The following GAREM1 variants were observed in gnomAD, a reference collection of about 807,000 sequenced individuals.
GAREM1 encodes GRB2 associated regulator of MAPK1 subtype 1.
A neutral mutation model predicts 71.3 loss-of-function variants in GAREM1; 26 were observed. That is an observed-to-expected ratio of 0.36 (90% CI 0.27 to 0.51). The LOEUF is 0.51. Among genes scored for constraint, GAREM1 ranks in the 20% least tolerant of loss-of-function variants. GAREM1 has a pLI of 0.95. For synonymous variants in GAREM1, 440 were observed against 433.2 expected, an observed-to-expected ratio of 1.02 and a Z score of -0.20; for missense variants, 1,026 against 1,103.1, an observed-to-expected ratio of 0.93 and a Z score of 0.99.
chr18:32,320,982 A>C (rs554718482), intron 2 of GAREM1, among the ~76,000 whole-genome samples: 1 of 152,118 alleles, frequency 6.6e-6, no homozygotes, highest in Non-Finnish European at 1.5e-5. Context: ...AGTCCAGAGC[A>C]CTCACTGCTA....
intron 2 of GAREM1, among the ~76,000 whole-genome samples, chr18:32,369,804 C>T (rs2047959418): frequency 6.6e-6 from 1 of 152,186 alleles, no homozygotes; most frequent in African/African-American, 2.4e-5. Context: ...CATCATTCTG[C>T]CATTTTCCCT....
chr18:32,271,261 T>C (rs912844602), intron 4 of GAREM1, among the ~76,000 whole-genome samples: 2 of 152,014 alleles, frequency 1.3e-5, no homozygotes, highest in African/African-American at 4.8e-5. Context: ...GGCACCATCT[T>C]GGCTCACTGC....
chr18:32,274,699 C>A (rs2041514142), intron 4 of GAREM1, among the ~76,000 whole-genome samples: 1 of 152,124 alleles, frequency 6.6e-6, no homozygotes, highest in South Asian at 2.1e-4. Context: ...TGCTTTCCTG[C>A]CCCTTTCTCT....
At chr18:32,377,467 G>T (rs1243952903) in intron 2 of GAREM1, among the ~76,000 whole-genome samples, 1 of 152,172 alleles carries the variant, frequency 6.6e-6, no homozygotes, top group Non-Finnish European at 1.5e-5. Context: ...TAAGGTGACT[G>T]GACATTAGCA....
intron 1 of GAREM1, among the ~76,000 whole-genome samples, chr18:32,451,259 C>G (rs988468037): frequency 2.0e-5 from 3 of 150,324 alleles, no homozygotes; most frequent in African/African-American, 7.4e-5. Context: ...CCCCCCACCC[C>G]CAAGCTAGCT....
In GAREM1 at chr18:32,406,146, T is replaced by C. The variant is rs1599024922; in HGVS notation, c.122-13111A>G. On this transcript the variant is annotated intron_variant, in intron 1 of 5. Transcript: ENST00000269209. ...TTTAGTTACATTTGATTCTATAAAC[T>C]GAGGGATATAATTAAACACTATTTA... Among the ~76,000 whole-genome samples the C allele has an allele frequency of 2.0e-5, 3 of 152,214 alleles. No individual in the cohort carries two copies. The East Asian group carries it at 5.8e-4, about 29-fold the overall frequency.
intron 2 of GAREM1, among the ~76,000 whole-genome samples, chr18:32,392,630 T>A (rs1219118682): frequency 6.6e-6 from 1 of 152,220 alleles, no homozygotes; most frequent in Non-Finnish European, 1.5e-5. Context: ...GTATTGATTT[T>A]AATTCCAAGA....
At chr18:32,354,982 G>C (rs562747655) in intron 2 of GAREM1, among the ~76,000 whole-genome samples, 1 of 152,234 alleles carries the variant, frequency 6.6e-6, no homozygotes, top group East Asian at 1.9e-4. Flanking sequence ...TGAGTGAGGA[G>C]GAGAGATTAA....
chr18:32,270,897 G>GTTTTTTTTTTTTTTTTTTTTTTTTT (rs58914123), intron 4 of GAREM1, among the ~76,000 whole-genome samples: 2 of 92,596 alleles, frequency 2.2e-5, no homozygotes, highest in Non-Finnish European at 3.9e-5. Context: ...GTTCAGGGAT[G>GTTTTTTTTTTTTTTTTTTTTTTTTT]TTTTTTTTTT....
intron 2 of GAREM1, among the ~76,000 whole-genome samples, chr18:32,364,675 A>G (rs563564217): frequency 2.6e-5 from 4 of 152,184 alleles, no homozygotes; most frequent in Non-Finnish European, 5.9e-5. Flanking sequence ...TGAACAAATT[A>G]AGGTTGGTAA....
chr18:32,373,582 C>A lies in GAREM1; in HGVS notation c.262+19313G>T, dbSNP rs2048006524. On this transcript the variant is annotated intron_variant, in intron 2 of 5. Coordinates refer to ENST00000269209, the MANE Select transcript of GAREM1 (RefSeq NM_001242409.2). ...TTCCAGGTCTTCATGGATACTTTCC[C>A]AAGCAAAACCACCTGAAAATAAGGC... Among the ~76,000 whole-genome samples the A allele has an allele frequency of 2.0e-5, 3 of 152,150 alleles. No individual in the cohort carries two copies. In the South Asian group the frequency reaches 6.2e-4, roughly 32 times the overall value.
intron 1 of GAREM1, among the ~76,000 whole-genome samples, chr18:32,394,366 C>T (rs1302271898): frequency 6.6e-6 from 1 of 152,184 alleles, no homozygotes; most frequent in African/African-American, 2.4e-5. Flanking sequence ...TGTGCCACTG[C>T]ACTCCAGCCT....
intron 1 of GAREM1, among the ~76,000 whole-genome samples, chr18:32,440,289 G>A (rs59630704): frequency 0.073 from 11,157 of 152,042 alleles, 414 homozygotes; most frequent in African/African-American, 0.091. Flanking sequence ...AAGATCACAC[G>A]GCTTCTACAT....
At chr18:32,447,625 A>G (rs2048797393) in intron 1 of GAREM1, among the ~76,000 whole-genome samples, 1 of 152,206 alleles carries the variant, frequency 6.6e-6, no homozygotes, top group Non-Finnish European at 1.5e-5. Context: ...GTTACCTCTC[A>G]GGATTGGTAT....
chr18:32,369,259 T>C (rs1163333491), intron 2 of GAREM1, among the ~76,000 whole-genome samples: 1 of 152,254 alleles, frequency 6.6e-6, no homozygotes, highest in Non-Finnish European at 1.5e-5. Flanking sequence ...TGATTCCAAT[T>C]ACTTCATGTC....
chr18:32,462,783 T>C (rs1003311914), intron 1 of GAREM1, among the ~76,000 whole-genome samples: 3 of 152,184 alleles, frequency 2.0e-5, no homozygotes, highest in Non-Finnish European at 4.4e-5. Flanking sequence ...TTGAGTTGAT[T>C]TTTATATATG....
chr18:32,457,112 G>A (rs1027870942), intron 1 of GAREM1, among the ~76,000 whole-genome samples: 3 of 146,276 alleles, frequency 2.1e-5, no homozygotes, highest in Middle Eastern at 7.1e-3. Context: ...GGTCTGTCAT[G>A]AAGGAAGAAA....
At chr18:32,456,592 C>T (rs2048891352) in intron 1 of GAREM1, among the ~76,000 whole-genome samples, 1 of 152,082 alleles carries the variant, frequency 6.6e-6, no homozygotes, top group South Asian at 2.1e-4. Flanking sequence ...AATCACTTTT[C>T]CCCTACATTT....
rs1005816888 is a variant in GAREM1, at chr18:32,270,356, C to G, written c.1594G>C (p.Ala532Pro). 1 of 1,613,348 alleles carries G rather than the reference C, an allele frequency of 6.2e-7. No individual in the cohort carries two copies. The highest frequency in any genetic ancestry group is 1.3e-5 in the African/African-American group (1 of 75,004). ...AVREECRLLN[A>P]PPVPPRSAKP... ...GCGCTTCGGGGTGGAACAGGTGGGG[C>G]GTTCAGGAGCCGGCATTCTTCTCTG... Residue 532 changes from alanine (A) to proline (P), a missense_variant, in exon 5 of 6, where the codon GCC becomes CCC. Ala to Pro is a conservative substitution (Grantham distance 27, BLOSUM62 -1). Coordinates refer to ENST00000269209, the MANE Select transcript of GAREM1 (RefSeq NM_001242409.2).
Sources: allele counts gnomAD v4.1 joint callset (sites outside exome capture counted in the v4.1 genomes callset), GRCh38; gene constraint gnomAD v4.1.1; transcripts MANE v1.5; gene names NCBI Gene and HGNC (gene_info 2026-07-23, HGNC 2026-07-21).